The following MCM3AP variants were observed in gnomAD, a reference collection of about 807,000 sequenced individuals.
MCM3AP encodes germinal-center associated nuclear protein.
In MCM3AP, 126 loss-of-function variants were observed where a neutral mutation model predicts 184.1. The ratio of observed to expected loss-of-function variants is 0.68; its 90% CI spans 0.59 to 0.79. MCM3AP has a LOEUF of 0.79. Among genes scored for constraint, MCM3AP ranks in the 30% least tolerant of loss-of-function variants. The probability of loss-of-function intolerance (pLI) is 0.00; values close to 1 mark genes in which losing one functional copy is unlikely to be tolerated. For synonymous variants in MCM3AP, 1,002 were observed against 979.3 expected, an observed-to-expected ratio of 1.02 and a Z score of -0.43; for missense variants, 2,496 against 2,479.2, an observed-to-expected ratio of 1.01 and a Z score of -0.14.
rs780413811 is a variant in MCM3AP at position 46,279,990 on chromosome 21, C to T, written c.1667+3G>A. ...TAAGGTCATTAGGAGGGACCGATCC[C>T]ACCTTTTATTCAGGAGGCTGCTAGC... is the stretch of plus-strand genomic sequence containing the variant. On this transcript the variant is annotated splice_donor_region_variant and intron_variant, in intron 4 of 27. Coordinates refer to ENST00000291688, the MANE Select transcript of MCM3AP (RefSeq NM_003906.5). 1 of 1,609,134 alleles carries T rather than the reference C, an allele frequency of 6.2e-7. No individual in the cohort carries two copies. Among genetic ancestry groups the T allele is most frequent in the South Asian group, 1.1e-5 (1 of 90,630 alleles).
In MCM3AP at chr21:46,280,281, C is replaced by A. The variant is rs900104567; in HGVS notation, c.1523-144G>T. The A allele has an allele frequency of 6.0e-6, 6 of 1,003,694 alleles. No individual in the cohort carries two copies. In the African/African-American group the frequency reaches 8.2e-5, roughly 14 times the overall value. 62.2% of individuals were successfully genotyped at this position (1,003,694 alleles called of 1,614,324 possible). A position where few individuals can be genotyped will look rare whatever the true frequency, so the allele number is the denominator to read the frequency against. On this transcript the variant is annotated intron_variant, in intron 3 of 27. Transcript: ENST00000291688. The stretch of plus-strand genomic sequence containing the variant: ...AGCCCAAGGAAATAACTGTGAGATG[C>A]AAATCCACTGAGAGCCAGCCTCCTC...
chr21:46,264,900 C>G (rs2081089560), intron 12 of MCM3AP, among the ~76,000 whole-genome samples: 1 of 151,452 alleles, frequency 6.6e-6, no homozygotes, highest in Non-Finnish European at 1.5e-5. Flanking sequence ...CTTCAGGGGA[C>G]ACACCCACAC....
chr21:46,245,235 C>T, intron 22 of MCM3AP, 38 bp from the exon 23 acceptor site: 2 of 1,560,038 alleles, frequency 1.3e-6, no homozygotes, highest in Non-Finnish European at 1.7e-6. Context: ...ACAATTCACA[C>T]TGTTTTTCAA....
At position 46,273,459 on chromosome 21, in the gene MCM3AP, T is replaced by C. The variant is rs772816800; in HGVS notation, c.2125A>G (p.Met709Val). 6 of 1,613,912 alleles carry C rather than the reference T, an allele frequency of 3.7e-6. No homozygotes were observed. The South Asian group carries it at 6.6e-5, about 18-fold the overall frequency. Reference sequence around the variant, plus strand: ...CGCAGGCTGCCCTCCTTCTGGTCCATGATCTGGGTCACCAGGTAGTCCATG... The same window carrying C: ...CGCAGGCTGCCCTCCTTCTGGTCCACGATCTGGGTCACCAGGTAGTCCATG... ...RTMDYLVTQI[M>V]DQKEGSLRDW... The change falls in exon 7 of 28, where the codon ATG becomes GTG. Residue 709 changes from methionine to valine, a missense_variant. Transcript: ENST00000291688.
intron 20 of MCM3AP, chr21:46,249,577 T>C: frequency 2.2e-6 from 1 of 450,238 alleles, no homozygotes; most frequent in South Asian, 1.6e-5. Flanking sequence ...TTCTTTTTCT[T>C]TCCCCCAGCT....
chr21:46,251,713 A>G (rs191720062), intron 19 of MCM3AP, 31 bp from the exon 20 acceptor site: 1 of 1,364,078 alleles, frequency 7.3e-7, no homozygotes, highest in East Asian at 2.4e-5. Context: ...AAAAACAAAA[A>G]AAACACTTGA....
At position 46,243,652 on chromosome 21, in the gene MCM3AP, C is replaced by G; in HGVS notation, c.5109G>C (p.Gln1703His). 1 of 1,614,224 alleles carries G rather than the reference C, an allele frequency of 6.2e-7. No homozygotes were observed. Among genetic ancestry groups the G allele is most frequent in the Non-Finnish European group, 8.5e-7 (1 of 1,180,052 alleles). ...TCTCCACCTGGGACTGGAGGACAGG[C>G]TGTGTCTGGCGTGAGCTGGGGATCT... ...ASQIPSSRQT[Q>H]PVLQSQVENL... The change falls in exon 24 of 28, where the codon CAG (glutamine) becomes CAC (histidine). Residue 1703 changes from glutamine (Q) to histidine (H), a missense_variant. Transcript: ENST00000291688.
chr21:46,246,442 G>A, intron 21 of MCM3AP, 38 bp from the exon 22 acceptor site: 1 of 1,410,982 alleles, frequency 7.1e-7, no homozygotes, highest in Non-Finnish European at 1.0e-6. Context: ...CTTGCATTCT[G>A]CTGTCAGCAC....
chr21:46,250,525 C>G (rs935869580), intron 20 of MCM3AP: 1 of 152,246 alleles, frequency 6.6e-6, no homozygotes, highest in African/African-American at 2.4e-5. Context: ...TCTAGGCTCA[C>G]CTCTTGCTCA....
At position 46,266,239 on chromosome 21, in the gene MCM3AP, G is replaced by A. The variant is rs565844315; in HGVS notation, c.2790-73C>T. ...ACAGCTTCGCCCTCAGTGCCCTGCC[G>A]AGTACTGCAAGCCCCTTGGGTGTCA... is the stretch of plus-strand genomic sequence containing the variant. On this transcript the variant is annotated intron_variant, in intron 10 of 27. Coordinates refer to ENST00000291688, the MANE Select transcript of MCM3AP (RefSeq NM_003906.5). 4.7e-6 allele frequency: 7 copies of A among 1,475,112 alleles called. No homozygotes were observed. The East Asian group carries it at 1.2e-4, about 24-fold the overall frequency. The allele number at this position is 1,475,112 out of a possible 1,614,324, so 91.4% of individuals were successfully genotyped here.
intron 4 of MCM3AP, among the ~76,000 whole-genome samples, chr21:46,278,920 G>A (rs777179828): frequency 2.1e-4 from 30 of 143,162 alleles, no homozygotes; most frequent in Non-Finnish European, 3.7e-4. Context: ...TGATCCGCCC[G>A]CCTTGGCCTC....
At position 46,285,300 on chromosome 21, in the gene MCM3AP, T is replaced by TATTAGAAGGTA; in HGVS notation, c.-25_-15dup. ...AGTTGGGTTCATCTTCTGCTCCAAT[T>TATTAGAAGGTA]ATTAGAAGGTAATTAAGTATTATGT... On this transcript the variant is annotated 5_prime_UTR_variant, in exon 1 of 28. The change creates a premature stop within an existing upstream ORF in the 5' untranslated region. Coordinates refer to ENST00000291688, the MANE Select transcript of MCM3AP (RefSeq NM_003906.5). The TATTAGAAGGTA allele has an allele frequency of 1.9e-6, 3 of 1,562,034 alleles. No individual in the cohort carries two copies. Among genetic ancestry groups the TATTAGAAGGTA allele is most frequent in the Non-Finnish European group, 2.6e-6 (3 of 1,134,900 alleles).
intron 3 of MCM3AP, 105 bp downstream of exon 3, chr21:46,280,392 G>A (rs2081316867): frequency 2.2e-6 from 2 of 916,054 alleles, no homozygotes; most frequent in Admixed American, 2.5e-5. Flanking sequence ...AATGGCTCAT[G>A]CCTGTAATCC....
At chr21:46,265,581 G>C in intron 11 of MCM3AP, 58 bp from the exon 12 acceptor site, 1 of 1,393,632 alleles carries the variant, frequency 7.2e-7, no homozygotes, top group Non-Finnish European at 9.7e-7. Flanking sequence ...CTGGCACCAC[G>C]GGGACCGAGG....
chr21:46,284,695 T>C lies in MCM3AP; in HGVS notation c.592A>G (p.Thr198Ala). The C allele has an allele frequency of 6.2e-7, 1 of 1,614,100 alleles. No individual in the cohort carries two copies. Among genetic ancestry groups the C allele is most frequent in the Middle Eastern group, 1.7e-4 (1 of 6,058 alleles). ...TTTGAAGTGGTAGCTGAACTACTTG[T>C]TACTTGAGGAAAAGAGAAAGGGGCC... ...GLAPFSFPQV[T>A]SSSATTSNFT... The change falls in exon 1 of 28, where the codon ACA becomes GCA. Residue 198 changes from threonine (T) to alanine (A), a missense_variant. Transcript: ENST00000291688.
Position 46,266,106 on chromosome 21 carries a change from C to G in MCM3AP, c.2850G>C (p.Lys950Asn), listed in dbSNP as rs751264141. 3.1e-6 allele frequency: 5 copies of G among 1,612,552 alleles called. No individual in the cohort carries two copies. The highest frequency in any genetic ancestry group is 4.5e-5 in the East Asian group (2 of 44,862). The change falls in exon 11 of 28, where the codon AAG (lysine) becomes AAC (asparagine). Residue 950 changes from lysine (K) to asparagine (N), a missense_variant. Physicochemically the swap from Lys to Asn is moderately conservative, Grantham distance 94. Coordinates refer to ENST00000291688, the MANE Select transcript of MCM3AP (RefSeq NM_003906.5). ...TCAGCTTCCTAGTAATAAACACCGA[C>G]TTCCTGGTCTTGGATAATCCCTCTG... ...LEPEGLSKTR[K>N]SVFITRKLTV...
chr21:46,265,587 C>T (rs1306302089), intron 11 of MCM3AP, 64 bp from the exon 12 acceptor site: 24 of 1,374,928 alleles, frequency 1.7e-5, no homozygotes, highest in East Asian at 7.4e-5. Flanking sequence ...CCACGGGGAC[C>T]GAGGTCTGTG....
In MCM3AP at chr21:46,273,517, G is replaced by A. The variant is rs752489055; in HGVS notation, c.2067C>T (p.His689=). The A allele has an allele frequency of 7.4e-6, 12 of 1,613,770 alleles. No individual in the cohort carries two copies. Among genetic ancestry groups the A allele is most frequent in the East Asian group, 2.2e-5 (1 of 44,876 alleles). ...TGAGCACTGGCAAGGGCCGCAGCTCGTGGGGCAGGGGCTCCTCCTGATCCG... is the reference window on the plus strand; with the variant it reads ...TGAGCACTGGCAAGGGCCGCAGCTCATGGGGCAGGGGCTCCTCCTGATCCG... The part of the protein sequence containing the change: ...SSADQEEPLP[H]ELRPLPVLSR... Residue 689 remains histidine, a synonymous_variant, in exon 7 of 28, where the codon CAC becomes CAT. Transcript: ENST00000291688.
chr21:46,263,314 A>G (rs1407240171), intron 13 of MCM3AP, among the ~76,000 whole-genome samples: 1 of 152,112 alleles, frequency 6.6e-6, no homozygotes, highest in Non-Finnish European at 1.5e-5. Flanking sequence ...TGGGCGACAG[A>G]GCGAGACTCC....
Sources: gnomAD v4.1 joint callset for allele counts (sites outside exome capture counted in the v4.1 genomes callset) on GRCh38, gnomAD v4.1.1 for gene constraint, MANE v1.5 for transcripts, NCBI Gene and HGNC (gene_info 2026-07-23, HGNC 2026-07-21) for gene names.